Variants in PLCB1 observed in about 807,000 individuals in gnomAD.
PLCB1 encodes phospholipase C beta 1.
Under a neutral mutation model 161.8 loss-of-function variants are expected in PLCB1, and 46 were observed. The ratio of observed to expected loss-of-function variants is 0.28; its 90% confidence interval spans 0.22 to 0.36. The LOEUF is 0.36. Among genes scored for constraint, PLCB1 ranks in the 10% least tolerant of loss-of-function variants. The pLI, the probability that PLCB1 is intolerant of heterozygous loss-of-function variation, is 1.00. For missense variants in PLCB1, 1,016 were observed against 1,472.5 expected (o/e 0.69, Z 5.07); for synonymous variants, 517 against 503.7 (o/e 1.03, Z -0.35).
At chr20:8,629,629 T>TATTA (rs1451419923) in intron 4 of PLCB1, among the ~76,000 whole-genome samples, 2 of 152,192 alleles carry the variant, frequency 1.3e-5, no homozygotes, top group South Asian at 2.1e-4. Context: ...CTGCATATAA[T>TATTA]ATATGTGCCT....
chr20:8,541,365 GA>G (rs1217406759), intron 3 of PLCB1, among the ~76,000 whole-genome samples: 13 of 151,984 alleles, frequency 8.6e-5, no homozygotes, highest in Admixed American at 8.5e-4. Context: ...TAACATAGTA[GA>G]AAAAAATACT....
intron 2 of PLCB1, among the ~76,000 whole-genome samples, chr20:8,189,568 TTTATC>T (rs1376921203): frequency 1.3e-5 from 2 of 152,006 alleles, no homozygotes; most frequent in African/African-American, 4.8e-5. Context: ...CGGCGACACT[TTTATC>T]TAGTCATAGA....
intron 9 of PLCB1, among the ~76,000 whole-genome samples, chr20:8,667,258 A>G (rs545872052): frequency 1.3e-5 from 2 of 152,054 alleles, no homozygotes; most frequent in Non-Finnish European, 2.9e-5. Flanking sequence ...TCGAAATCTC[A>G]TTTAAATTCC....
intron 7 of PLCB1, chr20:8,652,081 T>G (rs1258208812): frequency 6.6e-6 from 1 of 152,212 alleles, no homozygotes; most frequent in Non-Finnish European, 1.5e-5. Flanking sequence ...CCCCGTAAAT[T>G]GTAATTTTCT....
chr20:8,881,477 TCTC>T (rs1987986947), intron 31 of PLCB1, 142 bp from the exon 32 acceptor site: 4 of 672,580 alleles, frequency 5.9e-6, no homozygotes, highest in Admixed American at 2.7e-5. Context: ...CTTTGTTACA[TCTC>T]CTCTATAGGT....
intron 2 of PLCB1, among the ~76,000 whole-genome samples, chr20:8,302,870 A>G (rs988707705): frequency 2.6e-5 from 4 of 152,178 alleles, no homozygotes; most frequent in African/African-American, 9.7e-5. Flanking sequence ...ATTATACCAC[A>G]ATATAACATC....
At chr20:8,623,147 C>T (rs6077395) in intron 3 of PLCB1, among the ~76,000 whole-genome samples, 4 of 152,004 alleles carry the variant, frequency 2.6e-5, no homozygotes, top group Non-Finnish European at 5.9e-5. Context: ...TGAGGAAAAT[C>T]TAGGATGCTA....
chr20:8,729,321 A>AT (rs1480251781), intron 18 of PLCB1, 147 bp downstream of exon 18: 5 of 550,548 alleles, frequency 9.1e-6, no homozygotes, highest in Non-Finnish European at 1.5e-5. Flanking sequence ...ATATCAATGC[A>AT]TAAAAAAAGT....
At chr20:8,294,701 T>A (rs1983550299) in intron 2 of PLCB1, among the ~76,000 whole-genome samples, 1 of 150,890 alleles carries the variant, frequency 6.6e-6, no homozygotes, top group South Asian at 2.1e-4. Flanking sequence ...AAGATTAAAT[T>A]GACACCACCA....
At chr20:8,428,203 G>T (rs1159783547) in intron 3 of PLCB1, among the ~76,000 whole-genome samples, 4 of 146,902 alleles carry the variant, frequency 2.7e-5, no homozygotes, top group African/African-American at 1.0e-4. Flanking sequence ...GAGGACAACT[G>T]TAAGGGTAGT....
intron 3 of PLCB1, among the ~76,000 whole-genome samples, chr20:8,494,560 A>G (rs1373779107): frequency 6.6e-6 from 1 of 152,220 alleles, no homozygotes; most frequent in East Asian, 1.9e-4. Flanking sequence ...AGTGAATGAA[A>G]TACTTTAGGA....
At chr20:8,143,090 T>C (rs62198527) in intron 1 of PLCB1, among the ~76,000 whole-genome samples, 17,517 of 152,258 alleles carry the variant, frequency 0.12, 1,356 homozygotes, top group Non-Finnish European at 0.18. Context: ...AACATAGCAA[T>C]ATGCCTTTAC....
At chr20:8,322,796 A>G (rs889132678) in intron 2 of PLCB1, among the ~76,000 whole-genome samples, 2 of 152,140 alleles carry the variant, frequency 1.3e-5, no homozygotes, top group African/African-American at 4.8e-5. Flanking sequence ...CTTTCTCAGA[A>G]CTCTCCCTTG....
chr20:8,748,568 C>T (rs1981289448), intron 23 of PLCB1, among the ~76,000 whole-genome samples: 1 of 152,126 alleles, frequency 6.6e-6, no homozygotes, highest in Admixed American at 6.5e-5. Context: ...CTTCAATATC[C>T]ATGTCATGTC....
intron 3 of PLCB1, among the ~76,000 whole-genome samples, chr20:8,581,153 G>A (rs1308368301): frequency 1.3e-5 from 2 of 152,258 alleles, no homozygotes; most frequent in East Asian, 3.9e-4. Flanking sequence ...TGCTATGAAG[G>A]ACTTTAAGTT....
intron 2 of PLCB1, among the ~76,000 whole-genome samples, chr20:8,179,914 A>G (rs2051822638): frequency 8.6e-6 from 1 of 116,834 alleles, no homozygotes; most frequent in African/African-American, 3.5e-5. Context: ...GCTGGAGTGC[A>G]GTGGCGGGAT....
intron 2 of PLCB1, among the ~76,000 whole-genome samples, chr20:8,318,454 C>CT (rs1288407538): frequency 6.6e-6 from 1 of 151,162 alleles, no homozygotes; most frequent in Non-Finnish European, 1.5e-5. Context: ...ATTGCCCCCC[C>CT]CCTTTTTCTT....
At chr20:8,526,652 A>T (rs1984596574) in intron 3 of PLCB1, among the ~76,000 whole-genome samples, 1 of 152,108 alleles carries the variant, frequency 6.6e-6, no homozygotes, top group Non-Finnish European at 1.5e-5. Context: ...TGTTGAATCC[A>T]TGCTGTTTTT....
chr20:8,416,359 CTT>C (rs956020722), intron 3 of PLCB1, among the ~76,000 whole-genome samples: 3 of 151,958 alleles, frequency 2.0e-5, no homozygotes, highest in African/African-American at 4.8e-5. Context: ...TAGAAAAAGT[CTT>C]TTTAATGTAA....
Sources: gnomAD v4.1 joint callset for allele counts (sites outside exome capture counted in the v4.1 genomes callset) on GRCh38, gnomAD v4.1.1 for gene constraint, MANE v1.5 for transcripts, NCBI Gene and HGNC (gene_info 2026-07-23, HGNC 2026-07-21) for gene names.